Variants in MYZAP observed in about 807,000 individuals in gnomAD.
MYZAP encodes the protein myocardial zonula adherens protein, also known as GRINL1A complex locus upstream.
MYZAP carries 66 observed loss-of-function variants against 69.4 expected under a neutral mutation model. That is an observed-to-expected ratio of 0.95 (90% CI 0.78 to 1.17). The LOEUF is 1.17. Among genes scored for constraint, MYZAP ranks in the 50% most tolerant of loss-of-function variants. The pLI is 0.00. For missense variants in MYZAP, 611 were observed against 556.2 expected, an observed-to-expected ratio of 1.10 and a Z score of -0.99; for synonymous variants, 256 against 205.9, an observed-to-expected ratio of 1.24 and a Z score of -2.09.
At chr15:57,629,254 G>T (rs1183715946) in intron 5 of MYZAP, among the ~76,000 whole-genome samples, 1 of 152,078 alleles carries the variant, frequency 6.6e-6, no homozygotes, top group Non-Finnish European at 1.5e-5. Flanking sequence ...CTATCATTCA[G>T]ATTTCCTCCT....
chr15:57,632,630 G>A (rs1272255529), intron 7 of MYZAP, 71 bp downstream of exon 7: 18 of 1,583,450 alleles, frequency 1.1e-5, no homozygotes, highest in South Asian at 8.1e-5. Context: ...TGATGTATAC[G>A]TAGTAGTGTT....
intron 11 of MYZAP, among the ~76,000 whole-genome samples, chr15:57,668,398 C>A (rs140857767): frequency 2.6e-5 from 4 of 152,144 alleles, no homozygotes; most frequent in African/African-American, 9.7e-5. Flanking sequence ...AATTTTCCAG[C>A]AGTTTGAGTG....
intron 11 of MYZAP, among the ~76,000 whole-genome samples, chr15:57,662,012 T>TGAAA (rs2038335484): frequency 6.6e-6 from 1 of 152,230 alleles, no homozygotes; most frequent in Admixed American, 6.5e-5. Context: ...AGAGCCAGGC[T>TGAAA]GAAAGACTCC....
intron 5 of MYZAP, among the ~76,000 whole-genome samples, chr15:57,627,688 G>A (rs1454755298): frequency 6.6e-6 from 1 of 152,148 alleles, no homozygotes; most frequent in African/African-American, 2.4e-5. Context: ...AGAACTGAGA[G>A]GATCTCAGTT....
At chr15:57,622,202 T>A (rs1175382576) in intron 4 of MYZAP, among the ~76,000 whole-genome samples, 1 of 151,994 alleles carries the variant, frequency 6.6e-6, no homozygotes, top group East Asian at 1.9e-4. Context: ...AATTAATATA[T>A]AATATACAAA....
At chr15:57,673,571 T>TCAGA (rs2038979782) in intron 11 of MYZAP, among the ~76,000 whole-genome samples, 1 of 147,142 alleles carries the variant, frequency 6.8e-6, no homozygotes, top group African/African-American at 2.5e-5. Flanking sequence ...GGTGATAGAT[T>TCAGA]CAGAACCCAT....
At chr15:57,617,287 C>T (rs1595871132) in intron 2 of MYZAP, among the ~76,000 whole-genome samples, 1 of 152,242 alleles carries the variant, frequency 6.6e-6, no homozygotes, top group African/African-American at 2.4e-5. Context: ...TATTTCTAGC[C>T]TATAGTAGGT....
intron 11 of MYZAP, among the ~76,000 whole-genome samples, chr15:57,669,623 G>C (rs1444100150): frequency 2.0e-5 from 3 of 152,036 alleles, no homozygotes; most frequent in Non-Finnish European, 2.9e-5. Flanking sequence ...TTGCTTGTCT[G>C]CTTTCTATTT....
At chr15:57,623,460 C>T (rs1019980320) in intron 4 of MYZAP, among the ~76,000 whole-genome samples, 2 of 152,090 alleles carry the variant, frequency 1.3e-5, no homozygotes, top group Non-Finnish European at 2.9e-5. Flanking sequence ...TGGACAGGCA[C>T]GGTGGCTCAC....
intron 11 of MYZAP, among the ~76,000 whole-genome samples, chr15:57,663,128 G>T (rs546037412): frequency 2.6e-5 from 4 of 152,276 alleles, no homozygotes; most frequent in African/African-American, 9.6e-5. Context: ...GGAAGCCCAT[G>T]TGGCCAAAGA....
chr15:57,596,903 A>G (rs570624872), intron 1 of MYZAP, among the ~76,000 whole-genome samples: 1 of 152,224 alleles, frequency 6.6e-6, no homozygotes, highest in South Asian at 2.1e-4. Flanking sequence ...AGGCCTGTGC[A>G]TGCCACCATT....
intron 10 of MYZAP, among the ~76,000 whole-genome samples, chr15:57,658,199 A>G (rs1348209392): frequency 2.0e-5 from 3 of 152,188 alleles, no homozygotes; most frequent in Non-Finnish European, 2.9e-5. Flanking sequence ...AGATTTGGCC[A>G]TACTTGCTTT....
At chr15:57,609,091 G>A (rs1055698322) in intron 2 of MYZAP, among the ~76,000 whole-genome samples, 1 of 152,132 alleles carries the variant, frequency 6.6e-6, no homozygotes, top group South Asian at 2.1e-4. Flanking sequence ...ATATATTTTT[G>A]CAAAATTTGT....
At chr15:57,637,576 G>T (rs1336818565) in intron 8 of MYZAP, 119 bp from the exon 9 acceptor site, 3 of 1,040,248 alleles carry the variant, frequency 2.9e-6, no homozygotes, top group Non-Finnish European at 4.2e-6. Context: ...CTGAGCAGGT[G>T]TGTAAAACCC....
At chr15:57,650,313 T>C (rs1307846503) in intron 10 of MYZAP, among the ~76,000 whole-genome samples, 1 of 152,058 alleles carries the variant, frequency 6.6e-6, no homozygotes, top group African/African-American at 2.4e-5. Flanking sequence ...CCAGGTACAA[T>C]TTATGGGGAG....
intron 8 of MYZAP, among the ~76,000 whole-genome samples, chr15:57,635,782 T>G (rs1366084567): frequency 6.6e-6 from 1 of 152,258 alleles, no homozygotes; most frequent in Non-Finnish European, 1.5e-5. Context: ...GCAGTGTACG[T>G]ATCCTGCTCT....
intron 5 of MYZAP, among the ~76,000 whole-genome samples, chr15:57,628,515 A>G (rs2036293931): frequency 6.6e-6 from 1 of 151,982 alleles, no homozygotes; most frequent in South Asian, 2.1e-4. Flanking sequence ...AGCCTCCCAA[A>G]GTGCTGGGAT....
chr15:57,670,757 G>A (rs1006618124), intron 11 of MYZAP, among the ~76,000 whole-genome samples: 23 of 151,758 alleles, frequency 1.5e-4, no homozygotes, highest in Non-Finnish European at 2.2e-4. Flanking sequence ...CATTTTTGCT[G>A]TGTCTCTTTT....
intron 5 of MYZAP, 56 bp downstream of exon 5, chr15:57,625,948 C>T (rs1024639692): frequency 6.7e-7 from 1 of 1,502,634 alleles, no homozygotes; most frequent in Non-Finnish European, 9.2e-7. Flanking sequence ...AGAGTGGGGA[C>T]TGTGCCTTTG....
Sources: gnomAD v4.1 joint callset for allele counts (sites outside exome capture counted in the v4.1 genomes callset) on GRCh38, gnomAD v4.1.1 for gene constraint, MANE v1.5 for transcripts, NCBI Gene and HGNC (gene_info 2026-07-23, HGNC 2026-07-21) for gene names.